Variants in TTC28 observed in about 807,000 individuals in gnomAD.
The protein encoded by TTC28 is tetratricopeptide repeat domain 28.
In TTC28, 61 loss-of-function variants were observed where a neutral mutation model predicts 198.0. The observed-to-expected ratio is 0.31, with a 90% CI of 0.25 to 0.38. The LOEUF (loss-of-function observed/expected upper bound fraction) is 0.38. TTC28 is among the 10% of genes least tolerant of loss of function. The probability of loss-of-function intolerance (pLI) is 1.00; values close to 1 mark genes in which losing one functional copy is unlikely to be tolerated. For synonymous variants in TTC28, 1,171 were observed against 1,297.8 expected (o/e 0.90, Z 2.10); for missense variants, 2,678 against 3,164.0 (o/e 0.85, Z 3.69).
Position 28,152,543 on chromosome 22 carries a change from G to A in TTC28, c.1441+10549C>T, listed in dbSNP as rs574412545. ...CAGGTGAGTCACAAATCTCTGAATC[G>A]TCATCACTAAAATAGAATAATAATG... On this transcript the variant is annotated intron_variant, in intron 6 of 22. Coordinates refer to ENST00000397906, the MANE Select transcript of TTC28 (RefSeq NM_001145418.2). Among the ~76,000 whole-genome samples, 159 of 152,160 alleles carry A rather than the reference G, an allele frequency of 1.0e-3. 3 individuals are homozygous for A. Among genetic ancestry groups the A allele is most frequent in the Non-Finnish European group, 1.0e-3 (68 of 67,994 alleles).
chr22:28,330,466 T>C (rs1393181017), intron 2 of TTC28, among the ~76,000 whole-genome samples: 1 of 152,176 alleles, frequency 6.6e-6, no homozygotes, highest in Non-Finnish European at 1.5e-5. Flanking sequence ...ATTTGACAGA[T>C]ACCTTTTTTG....
intron 18 of TTC28, 65 bp downstream of exon 18, chr22:27,993,222 G>C (rs1007992384): frequency 7.2e-7 from 1 of 1,389,738 alleles, no homozygotes; most frequent in South Asian, 1.5e-5. Flanking sequence ...CGGGGCCCAA[G>C]GCCACCAACT....
intron 2 of TTC28, among the ~76,000 whole-genome samples, chr22:28,387,729 A>G (rs2046635101): frequency 6.6e-6 from 1 of 152,190 alleles, no homozygotes; most frequent in African/African-American, 2.4e-5. Context: ...AGGTCATTGT[A>G]GATTCTGGAT....
chr22:27,993,746 C>A (rs940290611), intron 17 of TTC28, among the ~76,000 whole-genome samples: 1 of 152,132 alleles, frequency 6.6e-6, no homozygotes, highest in Non-Finnish European at 1.5e-5. Flanking sequence ...AGGGCTGGTA[C>A]AACAGAAGGA....
intron 2 of TTC28, among the ~76,000 whole-genome samples, chr22:28,403,406 T>C (rs1271224856): frequency 6.6e-6 from 1 of 152,212 alleles, no homozygotes. Flanking sequence ...GGCAGGTGGA[T>C]TCCATAGTGA....
chr22:28,032,255 AT>A (rs1939155098), intron 12 of TTC28, among the ~76,000 whole-genome samples: 2 of 96,900 alleles, frequency 2.1e-5, no homozygotes, highest in African/African-American at 9.4e-5. Context: ...TATAAAATAT[AT>A]ATATATATAT....
At chr22:28,194,025 A>T (rs1336387304) in intron 5 of TTC28, among the ~76,000 whole-genome samples, 1 of 152,200 alleles carries the variant, frequency 6.6e-6, no homozygotes, top group Non-Finnish European at 1.5e-5. Flanking sequence ...AAAATTGACC[A>T]CATAGTTGGA....
At position 28,600,680 on chromosome 22, in the gene TTC28, CAAG is replaced by C. The variant is rs1179267114; in HGVS notation, c.381+28869_381+28871del. On this transcript the variant is annotated intron_variant, in intron 2 of 22. Transcript: ENST00000397906. ...ATAACAACCAACCCATCAACCTACA[CAAG>C]ACTACCAAAAGCCACATAATGTAGA... is the stretch of plus-strand genomic sequence containing the variant. 2.6e-5 allele frequency among the ~76,000 whole-genome samples: 4 copies of C among 152,252 alleles called. No homozygotes were observed. In the East Asian group the frequency reaches 7.7e-4, roughly 29 times the overall value.
Position 27,996,170 on chromosome 22 carries a change from G to A in TTC28, c.5209C>T (p.Arg1737Cys), listed in dbSNP as rs761740227. 12 of 1,550,790 alleles carry A rather than the reference G, an allele frequency of 7.7e-6. No homozygotes were observed. The highest frequency in any genetic ancestry group is 4.9e-5 in the East Asian group (2 of 40,928). ...ALTEILQHPE[R>C]ARDALRVLLH... is the part of the protein sequence containing the mutation. ...AGCACTCGCAGGGCGTCCCGCGCAC[G>A]CTCCGGGTGCTGCAGGATCTCTGTG... The change falls in exon 17 of 23, where the codon CGT becomes TGT. Residue 1737 changes from arginine to cysteine, a missense_variant. This residue lies in a region of TTC28 where 314 missense variants were observed against 442.7 expected (regional missense o/e 0.71). Coordinates refer to ENST00000397906, the MANE Select transcript of TTC28 (RefSeq NM_001145418.2).
intron 13 of TTC28, among the ~76,000 whole-genome samples, chr22:28,017,679 G>A (rs1043934109): frequency 6.6e-6 from 1 of 152,156 alleles, no homozygotes; most frequent in Admixed American, 6.5e-5. Flanking sequence ...GAGGATCTGG[G>A]GTTATCTATG....
intron 5 of TTC28, among the ~76,000 whole-genome samples, chr22:28,189,692 G>A (rs543333185): frequency 2.3e-4 from 35 of 152,148 alleles, no homozygotes; most frequent in Admixed American, 1.8e-3. Context: ...AAAGACAATC[G>A]ATAAAATACT....
chr22:28,525,108 A>T (rs962886549), intron 2 of TTC28, among the ~76,000 whole-genome samples: 9 of 152,184 alleles, frequency 5.9e-5, no homozygotes, highest in Non-Finnish European at 1.0e-4. Flanking sequence ...ATCTATAACT[A>T]AAATGTGCCA....
intron 2 of TTC28, among the ~76,000 whole-genome samples, chr22:28,597,066 T>C (rs1425789483): frequency 6.6e-6 from 1 of 152,178 alleles, no homozygotes; most frequent in Non-Finnish European, 1.5e-5. Flanking sequence ...CAGTTAAATT[T>C]AATCTCACAA....
At chr22:28,587,243 C>T (rs1334484277) in intron 2 of TTC28, among the ~76,000 whole-genome samples, 1 of 152,200 alleles carries the variant, frequency 6.6e-6, no homozygotes, top group East Asian at 1.9e-4. Context: ...TCTGTAATCT[C>T]ATCCACTCAG....
intron 2 of TTC28, among the ~76,000 whole-genome samples, chr22:28,510,746 T>C (rs772480215): frequency 1.3e-5 from 2 of 152,126 alleles, no homozygotes; most frequent in African/African-American, 2.4e-5. Context: ...TGATCCTGTA[T>C]CTAGAAAACC....
At chr22:28,408,633 C>T (rs113114522) in intron 2 of TTC28, among the ~76,000 whole-genome samples, 2,587 of 152,346 alleles carry the variant, frequency 0.017, 73 homozygotes, top group African/African-American at 0.06. Flanking sequence ...TCATGATCCA[C>T]CTGCGTCGGC....
rs150955373 is a variant in TTC28 at position 27,993,987 on chromosome 22, C to T, written c.5245-469G>A. Among the ~76,000 whole-genome samples the T allele has an allele frequency of 3.2e-3, 490 of 152,352 alleles. 3 individuals carry two copies. Among genetic ancestry groups the T allele is most frequent in the Non-Finnish European group, 5.3e-3 (360 of 68,034 alleles). ...TCTTCCCACTCAGCCTTGGTCCCTC[C>T]GCACTGGCTTCTGGAGCCTATACCT... On this transcript the variant is annotated intron_variant, in intron 17 of 22. Transcript: ENST00000397906.
intron 1 of TTC28, among the ~76,000 whole-genome samples, chr22:28,662,868 G>T (rs1183785727): frequency 1.3e-5 from 2 of 152,102 alleles, no homozygotes; most frequent in Non-Finnish European, 2.9e-5. Flanking sequence ...AAATGACAGG[G>T]ATCCAAGACA....
At chr22:28,282,452 G>C (rs934582891) in intron 5 of TTC28, among the ~76,000 whole-genome samples, 1 of 152,122 alleles carries the variant, frequency 6.6e-6, no homozygotes, top group African/African-American at 2.4e-5. Context: ...CTGTGCTGTC[G>C]AATATGGCCA....
Sources: allele counts gnomAD v4.1 joint callset (sites outside exome capture counted in the v4.1 genomes callset), GRCh38; gene constraint gnomAD v4.1.1; regional missense constraint gnomAD v4.1.1; transcripts MANE v1.5; gene names NCBI Gene and HGNC (gene_info 2026-07-23, HGNC 2026-07-21).